Variants in SVEP1 observed in about 807,000 individuals in gnomAD.
SVEP1 encodes sushi, von Willebrand factor type A, EGF and pentraxin domain containing 1.
In SVEP1, 164 loss-of-function variants were observed where a neutral mutation model predicts 367.3. That is an observed-to-expected ratio of 0.45 (90% CI 0.39 to 0.51). The LOEUF is 0.51. Ranked by LOEUF, SVEP1 falls within the 20% of genes least tolerant of loss-of-function variation. SVEP1 has a pLI of 0.00. For synonymous variants in SVEP1, 1,666 were observed against 1,611.6 expected (o/e 1.03, Z -0.81); for missense variants, 4,117 against 4,425.3 (o/e 0.93, Z 1.98).
intron 27 of SVEP1, among the ~76,000 whole-genome samples, chr9:110,436,852 T>G (rs900969751): frequency 4.6e-5 from 7 of 152,260 alleles, no homozygotes; most frequent in Non-Finnish European, 1.0e-4. Context: ...CTGCTCTTTA[T>G]CTTTCTTATT....
At chr9:110,550,159 GCTTCT>G in intron 1 of SVEP1, 55 bp from the exon 2 acceptor site, 1 of 1,597,098 alleles carries the variant, frequency 6.3e-7, no homozygotes, top group Non-Finnish European at 8.6e-7. Flanking sequence ...CCTACTGTGT[GCTTCT>G]CTTCTTACGT....
At chr9:110,468,806 T>C in intron 17 of SVEP1, 134 bp downstream of exon 17, 1 of 837,620 alleles carries the variant, frequency 1.2e-6, no homozygotes, top group Non-Finnish European at 1.7e-6. Context: ...TGCTTTTCTC[T>C]TGCAAATCTA....
intron 30 of SVEP1, among the ~76,000 whole-genome samples, chr9:110,432,849 A>C (rs139348128): frequency 1.3e-3 from 201 of 152,288 alleles, no homozygotes; most frequent in African/African-American, 4.6e-3. Context: ...TATTCAAAAA[A>C]CATTTACCCA....
At chr9:110,503,769 T>C (rs754976551) in intron 5 of SVEP1, among the ~76,000 whole-genome samples, 5 of 152,166 alleles carry the variant, frequency 3.3e-5, no homozygotes, top group Admixed American at 2.0e-4. Flanking sequence ...GCTTTTTCAC[T>C]TCTCCTTCCC....
intron 1 of SVEP1, among the ~76,000 whole-genome samples, chr9:110,570,464 T>TTGTGTGTGTG (rs3220321): frequency 2.3e-5 from 2 of 88,848 alleles, no homozygotes; most frequent in Admixed American, 1.1e-4. Context: ...AAAGTTTCTG[T>TTGTGTGTGTG]TGCGTGTGTG....
At chr9:110,548,090 C>A (rs944420593) in intron 2 of SVEP1, among the ~76,000 whole-genome samples, 2 of 152,146 alleles carry the variant, frequency 1.3e-5, no homozygotes, top group Non-Finnish European at 2.9e-5. Context: ...CATCTGGCAA[C>A]ACCCAGTATC....
intron 33 of SVEP1, 36 bp from the exon 34 acceptor site, chr9:110,430,040 A>G (rs774833249): frequency 1.9e-6 from 3 of 1,594,296 alleles, no homozygotes; most frequent in Admixed American, 3.4e-5. Flanking sequence ...GACTTTTTTG[A>G]GACTGTGTGC....
At chr9:110,456,643 T>C (rs1167250065) in intron 21 of SVEP1, among the ~76,000 whole-genome samples, 1 of 152,202 alleles carries the variant, frequency 6.6e-6, no homozygotes, top group Admixed American at 6.5e-5. Flanking sequence ...AAAAAAACTG[T>C]CTAGAAGAAA....
intron 14 of SVEP1, among the ~76,000 whole-genome samples, chr9:110,475,524 C>CATT (rs958394196): frequency 9.5e-5 from 14 of 147,372 alleles, no homozygotes; most frequent in African/African-American, 3.2e-4. Flanking sequence ...ATAACAATAT[C>CATT]ATTATTATTA....
At position 110,579,477 on chromosome 9, in the gene SVEP1, G is replaced by C. The variant is rs749484809; in HGVS notation, c.67C>G (p.Gln23Glu). 28 of 1,604,504 alleles carry C rather than the reference G, an allele frequency of 1.7e-5. No homozygotes were observed. Among genetic ancestry groups the C allele is most frequent in the Middle Eastern group, 1.6e-4 (1 of 6,068 alleles). ...CTGAAATTGCGCGACGGGGACATCT[G>C]CTGAAAGGTCGCCCAGCCCGAAACG... is the stretch of plus-strand genomic sequence containing the variant. Reference protein sequence around the residue: ...ALVSGWATFQQMSPSRNFSFR... With the variant: ...ALVSGWATFQEMSPSRNFSFR... The change falls in exon 1 of 48, where the codon CAG becomes GAG. Residue 23 changes from glutamine (Q) to glutamate (E), a missense_variant. Physicochemically the swap from Gln to Glu is conservative, Grantham distance 29 (BLOSUM62 2). Around this residue, in one of 4 missense-constraint regions of SVEP1, gnomAD observed 161 missense variants for 122.4 expected, o/e 1.32. Transcript: ENST00000374469. The surrounding 1 kb of genome is among the most constrained non-coding windows in gnomAD (Gnocchi z 5.3).
At chr9:110,382,022 C>A (rs778454830) in intron 43 of SVEP1, among the ~76,000 whole-genome samples, 4 of 151,444 alleles carry the variant, frequency 2.6e-5, no homozygotes, top group Non-Finnish European at 4.4e-5. Context: ...TTTTTTCCTG[C>A]TTTTCATTTG....
At chr9:110,382,497 A>AT (rs902621585) in intron 43 of SVEP1, among the ~76,000 whole-genome samples, 6 of 151,682 alleles carry the variant, frequency 4.0e-5, no homozygotes, top group Admixed American at 1.3e-4. Flanking sequence ...TGCCCTTAAC[A>AT]TTTTTTCCTT....
intron 1 of SVEP1, among the ~76,000 whole-genome samples, chr9:110,563,571 T>G (rs914579976): frequency 2.0e-5 from 3 of 152,174 alleles, no homozygotes; most frequent in African/African-American, 7.2e-5. Flanking sequence ...TCACAAAGAA[T>G]GAGGGCAACC....
intron 6 of SVEP1, among the ~76,000 whole-genome samples, chr9:110,501,053 T>G (rs1453461054): frequency 6.7e-6 from 1 of 149,248 alleles, no homozygotes; most frequent in East Asian, 1.9e-4. Context: ...TTAGGTTAAT[T>G]TGGAAAGAAC....
chr9:110,528,187 T>TATATATATATATATATGC (rs1263820117), intron 3 of SVEP1, among the ~76,000 whole-genome samples: 1 of 139,512 alleles, frequency 7.2e-6, no homozygotes, highest in African/African-American at 2.6e-5. Context: ...TATATATATA[T>TATATATATATATATATGC]GCCACATTTT....
intron 1 of SVEP1, among the ~76,000 whole-genome samples, chr9:110,560,114 C>T (rs1459200235): frequency 6.6e-6 from 1 of 152,020 alleles, no homozygotes; most frequent in East Asian, 1.9e-4. Flanking sequence ...GATTATAATG[C>T]CATATTTTTG....
At chr9:110,554,418 A>C (rs1214119585) in intron 1 of SVEP1, among the ~76,000 whole-genome samples, 1 of 152,188 alleles carries the variant, frequency 6.6e-6, no homozygotes, top group Non-Finnish European at 1.5e-5. Flanking sequence ...AGAAATGGGC[A>C]TCTCTAAAGC....
intron 43 of SVEP1, among the ~76,000 whole-genome samples, chr9:110,380,169 C>G (rs966506308): frequency 6.6e-6 from 1 of 152,094 alleles, no homozygotes; most frequent in Non-Finnish European, 1.5e-5. Flanking sequence ...TTAAAAGGGA[C>G]ATATGCGTAT....
At chr9:110,429,058 G>T in intron 35 of SVEP1, 85 bp downstream of exon 35, 1 of 1,178,186 alleles carries the variant, frequency 8.5e-7, no homozygotes, top group Non-Finnish European at 1.2e-6. Context: ...GTCACAGTGA[G>T]ACCATGTCTC....
Sources: gnomAD v4.1 joint callset for allele counts (sites outside exome capture counted in the v4.1 genomes callset) on GRCh38, gnomAD v4.1.1 for gene constraint, gnomAD v4.1.1 regional missense constraint, Gnocchi (gnomAD v3.1) non-coding constraint, MANE v1.5 for transcripts, NCBI Gene and HGNC (gene_info 2026-07-23, HGNC 2026-07-21) for gene names.